Variants in MICAL3 observed in about 807,000 individuals in gnomAD.
MICAL3 encodes [F-actin]-monooxygenase MICAL3.
A neutral mutation model predicts 207.4 loss-of-function variants in MICAL3; 62 were observed. The ratio of observed to expected loss-of-function variants is 0.30; its 90% CI spans 0.24 to 0.37. The LOEUF (loss-of-function observed/expected upper bound fraction) is 0.37, where lower values mean the gene tolerates loss of function less well. Among genes scored for constraint, MICAL3 ranks in the 10% least tolerant of loss-of-function variants. MICAL3 has a pLI of 1.00. For synonymous variants in MICAL3, 1,077 were observed against 1,069.3 expected, an observed-to-expected ratio of 1.01 and a Z score of -0.14; for missense variants, 2,368 against 2,635.6, an observed-to-expected ratio of 0.90 and a Z score of 2.22.
Position 17,801,851 on chromosome 22 carries a change from G to A in MICAL3, c.5650+6993C>T, listed in dbSNP as rs188761409. 4.7e-3 allele frequency among the ~76,000 whole-genome samples: 708 copies of A among 151,972 alleles called. 5 individuals are homozygous for A. The highest frequency in any genetic ancestry group is 0.016 in the African/African-American group (681 of 41,424). On this transcript the variant is annotated intron_variant, in intron 29 of 31. Transcript: ENST00000441493. ...GGAGCTTGCAGTGAGCCAAAATCGC[G>A]CCACTGCATTCCAGCCTGGGCGACA...
Position 17,882,286 on chromosome 22 carries a change from C to T in MICAL3, c.2241+3592G>A, listed in dbSNP as rs60636879. Among the ~76,000 whole-genome samples, 1,434 of 152,312 alleles carry T rather than the reference C, an allele frequency of 9.4e-3. 23 individuals carry two copies. The highest frequency in any genetic ancestry group is 0.033 in the African/African-American group (1,374 of 41,558). On this transcript the variant is annotated intron_variant, in intron 16 of 31. Coordinates refer to ENST00000441493, the MANE Select transcript of MICAL3 (RefSeq NM_015241.3). ...TGAGCTGCTATTATTTTCCCTCTTC[C>T]ATATGATGACCTAGGCTGAGGCGGG...
At chr22:17,908,394 A>G (rs1931900080) in intron 1 of MICAL3, among the ~76,000 whole-genome samples, 1 of 151,306 alleles carries the variant, frequency 6.6e-6, no homozygotes. Flanking sequence ...TGCAAGCTCC[A>G]CCTCCTGGGT....
In MICAL3 at chr22:17,871,109, C is replaced by T. The variant is rs529511274; in HGVS notation, c.2428+728G>A. Among the ~76,000 whole-genome samples the T allele has an allele frequency of 2.0e-5, 3 of 152,320 alleles. No homozygotes were observed. The South Asian group carries it at 6.2e-4, about 32-fold the overall frequency. ...TAAGACTGCCTCCCACGAAGTCCCT[C>T]CAGCATCCTATAGGAATGGGGCTGG... is the stretch of plus-strand genomic sequence containing the variant. On this transcript the variant is annotated intron_variant, in intron 17 of 31. Coordinates refer to ENST00000441493, the MANE Select transcript of MICAL3 (RefSeq NM_015241.3).
chr22:17,914,417 G>GT (rs1387224341), intron 1 of MICAL3, among the ~76,000 whole-genome samples: 3 of 125,262 alleles, frequency 2.4e-5, no homozygotes, highest in African/African-American at 8.5e-5. Context: ...GAGGCAGGAT[G>GT]TATGACCTCC....
chr22:17,794,954 G>A (rs2061859905), intron 29 of MICAL3, among the ~76,000 whole-genome samples: 2 of 152,232 alleles, frequency 1.3e-5, no homozygotes, highest in African/African-American at 4.8e-5. Flanking sequence ...AGAGAACAGG[G>A]TTGAAGAAAT....
intron 1 of MICAL3, among the ~76,000 whole-genome samples, chr22:17,917,981 C>T (rs1292182694): frequency 6.6e-6 from 1 of 152,234 alleles, no homozygotes; most frequent in Non-Finnish European, 1.5e-5. Flanking sequence ...TGCTGAGGTG[C>T]CCATCCACAG....
intron 21 of MICAL3, among the ~76,000 whole-genome samples, chr22:17,831,272 C>A (rs1029669035): frequency 6.6e-6 from 1 of 152,182 alleles, no homozygotes; most frequent in Non-Finnish European, 1.5e-5. Context: ...TCACTTGAGG[C>A]CACACACACC....
chr22:17,822,303 G>T, intron 23 of MICAL3, 133 bp from the exon 24 acceptor site: 2 of 1,188,892 alleles, frequency 1.7e-6, no homozygotes, highest in Admixed American at 2.7e-5. Context: ...CCCTTCTTAC[G>T]CAGGGACAGA....
At chr22:17,857,413 A>G (rs1337238650) in intron 19 of MICAL3, among the ~76,000 whole-genome samples, 2 of 152,188 alleles carry the variant, frequency 1.3e-5, no homozygotes, top group South Asian at 2.1e-4. Flanking sequence ...TCCCAAAACC[A>G]CTGCCCACCC....
chr22:17,878,046 G>A (rs1569111315), intron 16 of MICAL3, among the ~76,000 whole-genome samples: 1 of 152,080 alleles, frequency 6.6e-6, no homozygotes, highest in Non-Finnish European at 1.5e-5. Flanking sequence ...GTAGAGACAG[G>A]TTTTCACTGT....
intron 19 of MICAL3, among the ~76,000 whole-genome samples, chr22:17,857,142 G>C (rs145193176): frequency 2.0e-5 from 3 of 152,198 alleles, no homozygotes; most frequent in Non-Finnish European, 4.4e-5. Flanking sequence ...TACTCTGGCA[G>C]GAGTCCCCAC....
At chr22:17,967,482 A>ACC (rs1935194940) in intron 1 of MICAL3, among the ~76,000 whole-genome samples, 3 of 133,236 alleles carry the variant, frequency 2.3e-5, no homozygotes, top group Admixed American at 7.7e-5. Context: ...ACACACACAC[A>ACC]CACACACACA....
chr22:18,014,169 T>C (rs1923913381), intron 1 of MICAL3, among the ~76,000 whole-genome samples: 1 of 151,832 alleles, frequency 6.6e-6, no homozygotes, highest in Admixed American at 6.6e-5. Flanking sequence ...TCTGTGGAAG[T>C]CCTACCAGAA....
intron 11 of MICAL3, among the ~76,000 whole-genome samples, chr22:17,892,154 G>A (rs1201162624): frequency 6.6e-6 from 1 of 152,212 alleles, no homozygotes; most frequent in African/African-American, 2.4e-5. Context: ...AAGAGAAGAA[G>A]CCCTGCAGGG....
intron 19 of MICAL3, chr22:17,858,552 C>A: frequency 2.7e-6 from 2 of 750,838 alleles, no homozygotes; most frequent in African/African-American, 1.9e-5. Flanking sequence ...GGGACCGGGT[C>A]CTATACGGCA....
intron 19 of MICAL3, among the ~76,000 whole-genome samples, chr22:17,859,314 G>A (rs1926261349): frequency 6.6e-6 from 1 of 152,222 alleles, no homozygotes; most frequent in Non-Finnish European, 1.5e-5. Context: ...GCCAGAGAGG[G>A]CTCTTTCATG....
chr22:18,007,348 A>G (rs930162906), intron 1 of MICAL3: 3 of 152,150 alleles, frequency 2.0e-5, no homozygotes, highest in Admixed American at 2.0e-4. Context: ...ACAAAATTTG[A>G]TCAAACTGCT....
intron 22 of MICAL3, among the ~76,000 whole-genome samples, chr22:17,827,435 C>T (rs1922320036): frequency 6.6e-6 from 1 of 152,206 alleles, no homozygotes; most frequent in Admixed American, 6.5e-5. Context: ...GAGAAAGAGT[C>T]CACAACCTCT....
rs190183322 is a variant in MICAL3 at position 17,810,852 on chromosome 22, G to A, written c.5446-39C>T. ...GAGAAACTTCCTCAGTCAGGTGCACGGAGGCCTGGGACAGGGGTGGGCAGC... is the reference window on the plus strand; with the variant it reads ...GAGAAACTTCCTCAGTCAGGTGCACAGAGGCCTGGGACAGGGGTGGGCAGC... On this transcript the variant is annotated intron_variant, in intron 27 of 31. Transcript: ENST00000441493. 503 of 1,538,958 alleles carry A rather than the reference G, an allele frequency of 3.3e-4. 3 individuals carry two copies. In the African/African-American group the frequency reaches 5.7e-3, roughly 17 times the overall value.
Sources: allele counts gnomAD v4.1 joint callset (sites outside exome capture counted in the v4.1 genomes callset), GRCh38; gene constraint gnomAD v4.1.1; transcripts MANE v1.5; gene names NCBI Gene and HGNC (gene_info 2026-07-23, HGNC 2026-07-21).